The following UPF2 variants were observed in gnomAD, a reference collection of about 807,000 sequenced individuals.
UPF2 encodes regulator of nonsense transcripts 2.
A neutral mutation model predicts 141.4 loss-of-function variants in UPF2; 17 were observed. The observed-to-expected ratio is 0.12, with a 90% CI of 0.08 to 0.18. UPF2 has a LOEUF of 0.18. Among genes scored for constraint, UPF2 ranks in the 10% least tolerant of loss-of-function variants. UPF2 has a pLI of 1.00. For missense variants in UPF2, 1,152 were observed against 1,515.9 expected (o/e 0.76, Z 3.99); for synonymous variants, 540 against 498.0 (o/e 1.08, Z -1.12).
At chr10:12,023,510 TAAAAA>T (rs762703531) in intron 3 of UPF2, among the ~76,000 whole-genome samples, 1 of 117,270 alleles carries the variant, frequency 8.5e-6, no homozygotes, top group Non-Finnish European at 1.8e-5. Flanking sequence ...CTGTCTCTAC[TAAAAA>T]AAAAAAAAAA....
At position 12,035,305 on chromosome 10, in the gene UPF2, T is replaced by C. The variant is rs1451040767; in HGVS notation, c.119A>G (p.Asp40Gly). ...TVSSKERPKD[D>G]IKLTAKKEVS... ...CTCCTTCTTGGCAGTGAGCTTGATATCGTCTTTTGGCCTCTCCTTGCTGCT... is the reference window on the plus strand; with the variant it reads ...CTCCTTCTTGGCAGTGAGCTTGATACCGTCTTTTGGCCTCTCCTTGCTGCT... Residue 40 changes from aspartate (D) to glycine (G), a missense_variant, in exon 2 of 22, where the codon GAT becomes GGT. Around this residue, in one of 4 missense-constraint regions of UPF2, gnomAD observed 145 missense variants for 136.5 expected, o/e 1.06. Transcript: ENST00000357604. The C allele has an allele frequency of 6.2e-6, 10 of 1,614,054 alleles. No individual in the cohort carries two copies. The highest frequency in any genetic ancestry group is 4.5e-5 in the East Asian group (2 of 44,896).
At chr10:12,030,826 G>A (rs966335977) in intron 2 of UPF2, among the ~76,000 whole-genome samples, 13 of 151,402 alleles carry the variant, frequency 8.6e-5, no homozygotes, top group South Asian at 4.2e-4. Context: ...GCAGGTTGCC[G>A]TGAGCCAAGA....
chr10:11,948,109 G>T (rs560946973), intron 16 of UPF2, among the ~76,000 whole-genome samples: 1 of 151,744 alleles, frequency 6.6e-6, no homozygotes, highest in Non-Finnish European at 1.5e-5. Flanking sequence ...TTAGCTGGGC[G>T]TGGTGGCGAG....
chr10:12,020,156 TTTC>T (rs1213569462), intron 3 of UPF2, among the ~76,000 whole-genome samples: 1 of 152,118 alleles, frequency 6.6e-6, no homozygotes, highest in Non-Finnish European at 1.5e-5. Flanking sequence ...AGAGAACTTT[TTTC>T]TTCTTTTCCA....
intron 8 of UPF2, among the ~76,000 whole-genome samples, chr10:11,988,165 T>A (rs544304095): frequency 1.8e-4 from 28 of 152,324 alleles, no homozygotes; most frequent in African/African-American, 6.7e-4. Context: ...ATGCTCAACG[T>A]CATATGTCAT....
chr10:11,942,340 T>C (rs751619832), intron 18 of UPF2, among the ~76,000 whole-genome samples: 14 of 151,910 alleles, frequency 9.2e-5, no homozygotes, highest in Admixed American at 3.9e-4. Context: ...GCCACTGCAC[T>C]CCAGCCTGGG....
In UPF2 at chr10:11,997,657, T is replaced by C. The variant is rs1833885267; in HGVS notation, c.1844+15A>G. The C allele has an allele frequency of 2.5e-6, 4 of 1,611,362 alleles. No homozygotes were observed. Among genetic ancestry groups the C allele is most frequent in the Admixed American group, 1.7e-5 (1 of 59,868 alleles). On this transcript the variant is annotated intron_variant, in intron 8 of 21. Transcript: ENST00000357604. ...GAGTAAAAACACTAATAAATTTCTC[T>C]TTCATAACACTTACCTTTGTCTAGG...
chr10:11,995,072 TTC>T (rs1833844694), intron 8 of UPF2, among the ~76,000 whole-genome samples: 1 of 150,728 alleles, frequency 6.6e-6, no homozygotes, highest in Non-Finnish European at 1.5e-5. Flanking sequence ...ATGTGCCTAA[TTC>T]TTCGTAAGAA....
chr10:12,001,216 C>T (rs1833947209), intron 6 of UPF2, among the ~76,000 whole-genome samples: 1 of 152,152 alleles, frequency 6.6e-6, no homozygotes. Flanking sequence ...GAGTTCGAGA[C>T]AAGCCTGGCC....
chr10:11,941,156 T>A (rs1384105083), intron 18 of UPF2, among the ~76,000 whole-genome samples: 3 of 152,236 alleles, frequency 2.0e-5, no homozygotes, highest in African/African-American at 7.2e-5. Context: ...ACTTTATACT[T>A]AGCCCGATGC....
rs1367269480 is a variant in UPF2 at position 11,936,505 on chromosome 10, C to G, written c.3546+40G>C. ...GATAAGTTAAAACCTAACTGTATAA[C>G]TCACAATCAGCTATAATTACAGGGC... On this transcript the variant is annotated intron_variant, in intron 19 of 21. Transcript: ENST00000357604. This position sits in a 1 kb window ranked among gnomAD's most constrained non-coding sequence, Gnocchi z 6.6. 1 of 1,550,122 alleles carries G rather than the reference C, an allele frequency of 6.5e-7. No individual in the cohort carries two copies. The highest frequency in any genetic ancestry group is 1.9e-5 in the Admixed American group (1 of 51,636).
chr10:12,021,246 T>C (rs1228065352), intron 3 of UPF2, among the ~76,000 whole-genome samples: 4 of 152,046 alleles, frequency 2.6e-5, no homozygotes, highest in Non-Finnish European at 5.9e-5. Flanking sequence ...TAAGATCATA[T>C]AGGCCAGATG....
intron 15 of UPF2, among the ~76,000 whole-genome samples, chr10:11,950,080 G>T (rs917050150): frequency 7.9e-5 from 12 of 151,956 alleles, no homozygotes; most frequent in African/African-American, 2.9e-4. Context: ...AAAAAGAGTA[G>T]AAAAATATGT....
Position 12,028,955 on chromosome 10 carries a change from C to G in UPF2, c.935G>C (p.Cys312Ser). The G allele has an allele frequency of 6.2e-7, 1 of 1,614,142 alleles. No homozygotes were observed. Among genetic ancestry groups the G allele is most frequent in the South Asian group, 1.1e-5 (1 of 91,082 alleles). ...HTHVSVVISF[C>S]RHCGDDIAGL... ...AGCAATATCATCTCCACAATGTCGACAGAAACTAATCACTACAGAGACATG... is the reference window on the plus strand; with the variant it reads ...AGCAATATCATCTCCACAATGTCGAGAGAAACTAATCACTACAGAGACATG... The change falls in exon 3 of 22, where the codon TGT (cysteine) becomes TCT (serine). Residue 312 changes from cysteine to serine, a missense_variant. Physicochemically the swap from Cys to Ser is moderately radical, Grantham distance 112. Around this residue, in one of 4 missense-constraint regions of UPF2, gnomAD observed 739 missense variants for 1,032.2 expected, o/e 0.72. Transcript: ENST00000357604.
chr10:11,962,776 C>T (rs925632710), intron 11 of UPF2, among the ~76,000 whole-genome samples: 2 of 152,130 alleles, frequency 1.3e-5, no homozygotes, highest in Non-Finnish European at 2.9e-5. Context: ...TAAGCTAGTG[C>T]GTGCCTATCC....
chr10:12,021,082 T>A (rs1490598614), intron 3 of UPF2, among the ~76,000 whole-genome samples: 2 of 152,246 alleles, frequency 1.3e-5, no homozygotes, highest in Non-Finnish European at 2.9e-5. Flanking sequence ...GGGTGGATAT[T>A]ACATAATTGT....
intron 15 of UPF2, among the ~76,000 whole-genome samples, chr10:11,950,261 G>A (rs187937767): frequency 1.1e-4 from 17 of 152,184 alleles, no homozygotes; most frequent in African/African-American, 4.1e-4. Flanking sequence ...TTAACATTGG[G>A]ATACTATAAA....
intron 12 of UPF2, among the ~76,000 whole-genome samples, chr10:11,958,140 C>T (rs1169449057): frequency 2.6e-5 from 4 of 152,064 alleles, no homozygotes; most frequent in Non-Finnish European, 4.4e-5. Flanking sequence ...ATTGCTTGAG[C>T]CCAGGAGTTC....
Position 11,931,708 on chromosome 10 carries a change from T to C in UPF2, c.3621A>G (p.Glu1207=), listed in dbSNP as rs1832783492. 1 of 1,613,902 alleles carries C rather than the reference T, an allele frequency of 6.2e-7. No homozygotes were observed. The stretch of plus-strand genomic sequence containing the variant: ...TGAGCTTTTTCATTCTCATCCTCTC[T>C]TCTTGTTCTGCCTGTTGCTGGTTCC... ...NHWNQQQAEQ[E]ERMRMKKLTL... The change falls in exon 20 of 22, where the codon GAA becomes GAG. Residue 1207 remains glutamate (E), a synonymous_variant. Transcript: ENST00000357604. The surrounding 1 kb of genome is among the most constrained non-coding windows in gnomAD (Gnocchi z 5.9).
Sources: allele counts gnomAD v4.1 joint callset (sites outside exome capture counted in the v4.1 genomes callset), GRCh38; gene constraint gnomAD v4.1.1; regional missense constraint gnomAD v4.1.1; non-coding constraint Gnocchi (gnomAD v3.1); transcripts MANE v1.5; gene names NCBI Gene and HGNC (gene_info 2026-07-23, HGNC 2026-07-21).